DYSF: variants seen among roughly 807,000 people sequenced by gnomAD.
The protein encoded by DYSF is dysferlin, also known as dystrophy-associated fer-1-like 1.
DYSF carries 212 observed loss-of-function variants against 274.9 expected under a neutral mutation model. That is an observed-to-expected ratio of 0.77 (90% CI 0.69 to 0.86). The LOEUF (loss-of-function observed/expected upper bound fraction) is 0.86. DYSF is among the 40% of genes least tolerant of loss of function. The pLI, the probability that DYSF is intolerant of heterozygous loss-of-function variation, is 0.00. For synonymous variants in DYSF, 1,091 were observed against 1,078.7 expected (o/e 1.01, Z -0.22); for missense variants, 2,666 against 2,783.2 (o/e 0.96, Z 0.95).
At chr2:71,502,549 G>A (rs1164600017) in intron 3 of DYSF, among the ~76,000 whole-genome samples, 1 of 152,122 alleles carries the variant, frequency 6.6e-6, no homozygotes, top group Non-Finnish European at 1.5e-5. Context: ...TCTCTTTGAA[G>A]GGAGCATGTG....
chr2:71,463,415 C>T (rs763720695), upstream of DYSF, among the ~76,000 whole-genome samples: 10 of 152,188 alleles, frequency 6.6e-5, no homozygotes, highest in Non-Finnish European at 1.0e-4. Flanking sequence ...GGGCCGCAGC[C>T]AAACGGCTGC....
At chr2:71,501,946 A>C (rs1158727489) in intron 3 of DYSF, among the ~76,000 whole-genome samples, 1 of 152,174 alleles carries the variant, frequency 6.6e-6, no homozygotes, top group Non-Finnish European at 1.5e-5. Flanking sequence ...TGCTAATTCT[A>C]GGTTTAATTT....
Position 71,665,765 on chromosome 2 carries a change from G to A in DYSF, c.5317+461G>A, listed in dbSNP as rs574757068. Among the ~76,000 whole-genome samples, 3 of 152,342 alleles carry A rather than the reference G, an allele frequency of 2.0e-5. No individual in the cohort carries two copies. The South Asian group carries it at 6.2e-4, about 32-fold the overall frequency. On this transcript the variant is annotated intron_variant, in intron 47 of 55. Coordinates refer to ENST00000410020, the MANE Select transcript of DYSF (RefSeq NM_001130987.2). ...TCCAAGCTCCCCACTGACAGCCCAT[G>A]CATCTAAAGGATCCCAAGGCAGGCA...
chr2:71,619,934 A>G (rs563638523), intron 40 of DYSF, among the ~76,000 whole-genome samples: 1 of 152,370 alleles, frequency 6.6e-6, no homozygotes, highest in African/African-American at 2.4e-5. Flanking sequence ...ATTGTAGGCA[A>G]GGAGCTGATG....
intron 36 of DYSF, among the ~76,000 whole-genome samples, chr2:71,606,271 G>A (rs868232784): frequency 1.3e-5 from 2 of 152,106 alleles, no homozygotes; most frequent in Admixed American, 1.3e-4. Flanking sequence ...GTCTGGGCTG[G>A]CTTGATCAAC....
chr2:71,667,294 C>A (rs1322952968), intron 47 of DYSF, 82 bp from the exon 48 acceptor site: 7 of 1,606,946 alleles, frequency 4.4e-6, no homozygotes, highest in Non-Finnish European at 5.1e-6. Flanking sequence ...TTAGGCAGCC[C>A]TGCTCAGCCT....
chr2:71,508,879 A>C (rs557041191), intron 4 of DYSF, among the ~76,000 whole-genome samples: 1 of 152,064 alleles, frequency 6.6e-6, no homozygotes, highest in East Asian at 1.9e-4. Context: ...TTGAGACGGT[A>C]TGTCACTCTG....
Position 71,520,202 on chromosome 2 carries a change from G to A in DYSF, c.1027G>A (p.Glu343Lys), listed in dbSNP as rs1401731698. 6.2e-7 allele frequency: 1 copy of A among 1,614,080 alleles called. No homozygotes were observed. Among genetic ancestry groups the A allele is most frequent in the Non-Finnish European group, 8.5e-7 (1 of 1,180,046 alleles). ...FRMDVGTIYR[E>K]PRHAYLRKWL... ...GATGGACGTGGGCACCATTTACAGAGAGCCCCGTGAGTTCTCACCACTTTG... is the reference window on the plus strand; with the variant it reads ...GATGGACGTGGGCACCATTTACAGAAAGCCCCGTGAGTTCTCACCACTTTG... Residue 343 changes from glutamate to lysine, a missense_variant, in exon 11 of 56, where the codon GAG becomes AAG. By Grantham distance (56) the Glu-to-Lys change is moderately conservative (BLOSUM62 1). Transcript: ENST00000410020.
In DYSF at chr2:71,613,974, G is replaced by A. The variant is rs1421868682; in HGVS notation, c.4464+564G>A. On this transcript the variant is annotated intron_variant, in intron 40 of 55. Coordinates refer to ENST00000410020, the MANE Select transcript of DYSF (RefSeq NM_001130987.2). ...GAGGGGCCTTATTCTAAGGTCTCCA[G>A]CCCTGGGGGAGGTAGGAGTCTTCCT... 2.0e-5 allele frequency among the ~76,000 whole-genome samples: 3 copies of A among 152,172 alleles called. No individual in the cohort carries two copies. In the East Asian group the frequency reaches 5.8e-4, roughly 29 times the overall value.
Position 71,559,119 on chromosome 2 carries a change from G to A in DYSF, c.2217-2633G>A, listed in dbSNP as rs550117060. On this transcript the variant is annotated intron_variant, in intron 22 of 55. Coordinates refer to ENST00000410020, the MANE Select transcript of DYSF (RefSeq NM_001130987.2). Reference sequence around the variant, plus strand: ...GGAGCCTCCCCCTTCCCCAGGGCTGGTGGTGTCCACTCTGTTCCTCCAGCC... The same window carrying A: ...GGAGCCTCCCCCTTCCCCAGGGCTGATGGTGTCCACTCTGTTCCTCCAGCC... 3.9e-5 allele frequency among the ~76,000 whole-genome samples: 6 copies of A among 152,246 alleles called. No individual in the cohort carries two copies. In the South Asian group the frequency reaches 1.2e-3, roughly 32 times the overall value.
At chr2:71,674,421 T>C (rs2095184888) in intron 52 of DYSF, 125 bp downstream of exon 52, 1 of 841,874 alleles carries the variant, frequency 1.2e-6, no homozygotes, top group African/African-American at 1.7e-5. Context: ...CTTTCTGCTT[T>C]CAGGGAGCTC....
intron 40 of DYSF, among the ~76,000 whole-genome samples, chr2:71,616,486 T>TGG (rs140173880): frequency 2.1e-4 from 20 of 94,046 alleles, no homozygotes; most frequent in African/African-American, 8.0e-4. Context: ...GCATGACAGG[T>TGG]GGGGGTGGTA....
intron 7 of DYSF, 56 bp downstream of exon 7, chr2:71,513,977 G>A (rs1340144930): frequency 1.3e-6 from 2 of 1,599,926 alleles, no homozygotes; most frequent in Non-Finnish European, 1.7e-6. Context: ...AGCTGCGGGT[G>A]CCAGGCACCT....
intron 4 of DYSF, among the ~76,000 whole-genome samples, chr2:71,506,228 G>A (rs538447447): frequency 4.6e-5 from 7 of 152,288 alleles, no homozygotes; most frequent in African/African-American, 1.4e-4. Flanking sequence ...CAGGGTGGGC[G>A]AAGGACCCCA....
chr2:71,620,747 T>A, intron 41 of DYSF, 138 bp downstream of exon 41: 2 of 877,398 alleles, frequency 2.3e-6, no homozygotes, highest in Non-Finnish European at 1.8e-6. Context: ...GGAAGTCACC[T>A]ATCTTTGCCT....
In DYSF at chr2:71,539,213, T is replaced by C; in HGVS notation, c.1550T>C (p.Ile517Thr). ...VATTYLSMSK[I>T]SAPGGEIEVD... Reference sequence around the variant, plus strand: ...ACCACCTACCTGAGTATGTCGAAAATCTCTGCCCCTGGAGGAGAAATAGAA... The same window carrying C: ...ACCACCTACCTGAGTATGTCGAAAACCTCTGCCCCTGGAGGAGAAATAGAA... The change falls in exon 17 of 56, where the codon ATC (isoleucine) becomes ACC (threonine). Residue 517 changes from isoleucine to threonine, a missense_variant. Ile to Thr is a moderately conservative substitution (Grantham distance 89). Transcript: ENST00000410020. 2 of 1,613,922 alleles carry C rather than the reference T, an allele frequency of 1.2e-6. No homozygotes were observed. The highest frequency in any genetic ancestry group is 1.7e-6 in the Non-Finnish European group (2 of 1,179,986).
chr2:71,553,727 AG>A, intron 20 of DYSF, 79 bp from the exon 21 acceptor site: 1 of 1,138,846 alleles, frequency 8.8e-7, no homozygotes. Flanking sequence ...TGGAGTGCCC[AG>A]GAGGCTGGCA....
At chr2:71,665,063 G>A in intron 46 of DYSF, 99 bp from the exon 47 acceptor site, 1 of 1,588,316 alleles carries the variant, frequency 6.3e-7, no homozygotes, top group Non-Finnish European at 8.6e-7. Context: ...GCAAGGAGTG[G>A]GCAATGCTGT....
rs747092306 is a variant in DYSF, at chr2:71,668,862, G to T, written c.5546+20G>T. 6.2e-7 allele frequency: 1 copy of T among 1,610,486 alleles called. No individual in the cohort carries two copies. The highest frequency in any genetic ancestry group is 8.5e-7 in the Non-Finnish European group (1 of 1,178,344). On this transcript the variant is annotated intron_variant, in intron 49 of 55. Coordinates refer to ENST00000410020, the MANE Select transcript of DYSF (RefSeq NM_001130987.2). ...CAGAAGGTGACTTGCCCAGCCACAG[G>T]CTCTGAGCTGGGCTGAGGGGTGGGG...
Sources: gnomAD v4.1 joint callset for allele counts (sites outside exome capture counted in the v4.1 genomes callset) on GRCh38, gnomAD v4.1.1 for gene constraint, MANE v1.5 for transcripts, NCBI Gene and HGNC (gene_info 2026-07-23, HGNC 2026-07-21) for gene names.